Variants in MCCC1 observed in about 807,000 individuals in gnomAD.
MCCC1 encodes the protein methylcrotonyl-CoA carboxylase subunit 1.
MCCC1 carries 64 observed loss-of-function variants against 83.8 expected under a neutral mutation model. The ratio of observed to expected loss-of-function variants is 0.76; its 90% CI spans 0.62 to 0.94. MCCC1 has a LOEUF of 0.94. Ranked by LOEUF, MCCC1 falls within the 40% of genes least tolerant of loss-of-function variation. The probability of loss-of-function intolerance (pLI) is 0.00; values close to 1 mark genes in which losing one functional copy is unlikely to be tolerated. For missense variants in MCCC1, 807 were observed against 904.7 expected (o/e 0.89, Z 1.39); for synonymous variants, 322 against 315.4 (o/e 1.02, Z -0.22).
chr3:183,114,023 T>C (rs115940162), intron 1 of MCCC1, among the ~76,000 whole-genome samples: 2 of 152,288 alleles, frequency 1.3e-5, no homozygotes, highest in African/African-American at 4.8e-5. Flanking sequence ...AACTCCATCT[T>C]GGCTCTTTCA....
chr3:183,040,098 GAAAAAAAA>G (rs57389038), intron 11 of MCCC1, among the ~76,000 whole-genome samples: 3 of 34,578 alleles, frequency 8.7e-5, no homozygotes, highest in Non-Finnish European at 1.1e-4. Context: ...CTCCATCTCA[GAAAAAAAA>G]AAAAAAAAAA....
At chr3:183,021,769 T>C (rs1339044761) in intron 16 of MCCC1, among the ~76,000 whole-genome samples, 1 of 152,176 alleles carries the variant, frequency 6.6e-6, no homozygotes, top group Non-Finnish European at 1.5e-5. Flanking sequence ...CCATATATAG[T>C]AGTTTAATTA....
At chr3:183,027,491 C>T (rs1177868692) in intron 14 of MCCC1, among the ~76,000 whole-genome samples, 1 of 152,248 alleles carries the variant, frequency 6.6e-6, no homozygotes, top group African/African-American at 2.4e-5. Context: ...GTTAAAAGTG[C>T]TTCTCCAGTA....
intron 3 of MCCC1, among the ~76,000 whole-genome samples, chr3:183,087,598 G>A (rs199744575): frequency 6.6e-6 from 1 of 152,108 alleles, no homozygotes; most frequent in Admixed American, 6.6e-5. Flanking sequence ...AAGACTGGCC[G>A]GGCATGGTGG....
intron 3 of MCCC1, among the ~76,000 whole-genome samples, chr3:183,089,215 G>T (rs1313014469): frequency 6.6e-6 from 1 of 152,200 alleles, no homozygotes; most frequent in African/African-American, 2.4e-5. Context: ...AAGCATTTAA[G>T]AAGAGGAGTA....
chr3:183,048,625 A>C (rs746304561), intron 9 of MCCC1, among the ~76,000 whole-genome samples: 9 of 152,256 alleles, frequency 5.9e-5, no homozygotes, highest in Non-Finnish European at 1.2e-4. Context: ...GTAAGGAGAA[A>C]TAGATTAATT....
chr3:183,058,832 A>C (rs1263509687), intron 7 of MCCC1, among the ~76,000 whole-genome samples: 1 of 152,192 alleles, frequency 6.6e-6, no homozygotes, highest in Non-Finnish European at 1.5e-5. Context: ...TACCACCATA[A>C]TACGCCATAA....
chr3:183,053,237 G>A (rs947556695), intron 8 of MCCC1, among the ~76,000 whole-genome samples: 8 of 152,102 alleles, frequency 5.3e-5, no homozygotes, highest in Non-Finnish European at 8.8e-5. Context: ...TTGGGAGGCC[G>A]AGACGGGTGA....
At chr3:183,028,345 C>T (rs773966367) in intron 14 of MCCC1, among the ~76,000 whole-genome samples, 3 of 152,198 alleles carry the variant, frequency 2.0e-5, no homozygotes, top group Non-Finnish European at 4.4e-5. Flanking sequence ...AGTCACCACC[C>T]AAGGGCTCTG....
intron 15 of MCCC1, among the ~76,000 whole-genome samples, chr3:183,024,394 T>C (rs956208601): frequency 1.3e-5 from 2 of 152,202 alleles, no homozygotes; most frequent in African/African-American, 2.4e-5. Context: ...TGTGTACTTG[T>C]GATTAGGTTT....
chr3:183,106,217 C>A (rs1160735934), intron 1 of MCCC1, among the ~76,000 whole-genome samples: 4 of 152,192 alleles, frequency 2.6e-5, no homozygotes, highest in South Asian at 4.1e-4. Context: ...CCATGTTATT[C>A]ATCTTTGTAG....
chr3:183,045,506 A>G lies in MCCC1; in HGVS notation c.990T>C (p.Asn330=), dbSNP rs1391646372. ...TVEFIMDSKH[N]FCFMEMNTRL... ...TTGTATTCATCTCCATGAAACAGAA[A>G]TTATGTTTTGAGTCCATAATAAACT... The change falls in exon 10 of 19, where the codon AAT becomes AAC. Residue 330 remains asparagine, a synonymous_variant. Coordinates refer to ENST00000265594, the MANE Select transcript of MCCC1 (RefSeq NM_020166.5). 1 of 1,614,088 alleles carries G rather than the reference A, an allele frequency of 6.2e-7. No individual in the cohort carries two copies. Among genetic ancestry groups the G allele is most frequent in the Admixed American group, 1.7e-5 (1 of 60,026 alleles).
intron 7 of MCCC1, among the ~76,000 whole-genome samples, chr3:183,062,345 T>A (rs1449464817): frequency 7.5e-6 from 1 of 133,728 alleles, no homozygotes; most frequent in African/African-American, 2.7e-5. Context: ...AGTTTTGTTT[T>A]TTCAGTTTTT....
intron 4 of MCCC1, among the ~76,000 whole-genome samples, chr3:183,075,165 G>A (rs1461097370): frequency 6.6e-6 from 1 of 152,192 alleles, no homozygotes; most frequent in African/African-American, 2.4e-5. Flanking sequence ...TGTGAATGAT[G>A]CAATGAACAT....
At chr3:183,025,678 G>T (rs1712535733) in intron 15 of MCCC1, 77 bp downstream of exon 15, 7 of 1,256,184 alleles carry the variant, frequency 5.6e-6, no homozygotes, top group South Asian at 1.2e-5. Context: ...AGGGAAACCA[G>T]AGAGTGAAAG....
rs139630333 is a variant in MCCC1, at chr3:183,046,134, A to G, written c.956-594T>C. On this transcript the variant is annotated intron_variant, in intron 9 of 18. Transcript: ENST00000265594. ...TGTGATTTAGCAATTGAATACAATC[A>G]CAGAACCACAATGAAACTACAGAAC... 5.7e-4 allele frequency among the ~76,000 whole-genome samples: 87 copies of G among 152,358 alleles called. 1 individual carries two copies. Among genetic ancestry groups the G allele is most frequent in the African/African-American group, 2.0e-3 (85 of 41,584 alleles).
intron 4 of MCCC1, among the ~76,000 whole-genome samples, chr3:183,075,388 C>T (rs776256040): frequency 2.7e-4 from 41 of 152,076 alleles, no homozygotes; most frequent in Non-Finnish European, 5.4e-4. Context: ...ATTTTTTTGA[C>T]TTCTTAGTAA....
chr3:183,068,077 G>A (rs943063343), intron 7 of MCCC1, among the ~76,000 whole-genome samples: 3 of 152,104 alleles, frequency 2.0e-5, no homozygotes, highest in Admixed American at 2.0e-4. Flanking sequence ...ATGGATCTTT[G>A]TCCCTCTGCA....
intron 1 of MCCC1, among the ~76,000 whole-genome samples, chr3:183,096,339 A>T (rs991509382): frequency 1.3e-5 from 2 of 150,958 alleles, no homozygotes; most frequent in East Asian, 3.9e-4. Context: ...CCATCTCAAA[A>T]AAAAAAATAA....
Sources: allele counts gnomAD v4.1 joint callset (sites outside exome capture counted in the v4.1 genomes callset), GRCh38; gene constraint gnomAD v4.1.1; transcripts MANE v1.5; gene names NCBI Gene and HGNC (gene_info 2026-07-23, HGNC 2026-07-21).